RFK: variants seen among roughly 807,000 people sequenced by gnomAD.
RFK encodes 0610038L10Rik.
RFK carries 4 observed loss-of-function variants against 17.6 expected under a neutral mutation model. The observed-to-expected ratio is 0.23, with a 90% confidence interval of 0.11 to 0.52. The LOEUF is 0.52. Among genes scored for constraint, RFK ranks in the 20% least tolerant of loss-of-function variants. The pLI, the probability that RFK is intolerant of heterozygous loss-of-function variation, is 0.96. For missense variants in RFK, 189 were observed against 187.7 expected (o/e 1.01, Z -0.04); for synonymous variants, 59 against 63.8 (o/e 0.92, Z 0.36).
chr9:76,389,324 C>G (rs1198181572), intron 2 of RFK, among the ~76,000 whole-genome samples: 3 of 152,070 alleles, frequency 2.0e-5, no homozygotes. Flanking sequence ...AACTAGCTTC[C>G]GCGGGGCTCA....
rs772071956 is a variant in RFK, at chr9:76,394,081, T to A, written c.82+9A>T. On this transcript the variant is annotated intron_variant, in intron 1 of 3. Transcript: ENST00000376736. ...CCGGCCCGGGGGACTCTGGCCGCCCTGCTCTCACCTGTGGGGATGCCCAGC... is the reference window on the plus strand; with the variant it reads ...CCGGCCCGGGGGACTCTGGCCGCCCAGCTCTCACCTGTGGGGATGCCCAGC... The A allele has an allele frequency of 1.9e-6, 3 of 1,595,572 alleles. No homozygotes were observed. Among genetic ancestry groups the A allele is most frequent in the Non-Finnish European group, 2.6e-6 (3 of 1,173,026 alleles).
At chr9:76,388,326 T>C (rs1373445165) in intron 3 of RFK, 1 of 622,560 alleles carries the variant, frequency 1.6e-6, no homozygotes, top group Non-Finnish European at 3.0e-6. Context: ...CTATGTGACT[T>C]TGAGAATGTT....
Position 76,388,649 on chromosome 9 carries a change from T to C in RFK, c.242A>G (p.His81Arg). The C allele has an allele frequency of 1.9e-6, 3 of 1,598,502 alleles. No individual in the cohort carries two copies. Among genetic ancestry groups the C allele is most frequent in the Non-Finnish European group, 2.6e-6 (3 of 1,165,928 alleles). Reference protein sequence around the residue: ...YKNTKKSMETHIMHTFKEDFY... With the variant: ...YKNTKKSMETRIMHTFKEDFY... Reference sequence around the variant, plus strand: ...GTCCTCTTTGAAGGTATGCATGATATGTGTTTCCTATAGTCAAGAAATGTT... The same window carrying C: ...GTCCTCTTTGAAGGTATGCATGATACGTGTTTCCTATAGTCAAGAAATGTT... The change falls in exon 3 of 4, where the codon CAT (histidine) becomes CGT (arginine). Residue 81 changes from histidine (H) to arginine (R), a missense_variant. Transcript: ENST00000376736.
At chr9:76,388,955 A>G (rs960054940) in intron 2 of RFK, among the ~76,000 whole-genome samples, 1 of 152,214 alleles carries the variant, frequency 6.6e-6, no homozygotes, top group Non-Finnish European at 1.5e-5. Context: ...TAAGTATCTT[A>G]TCAAGGTGAG....
intron 2 of RFK, among the ~76,000 whole-genome samples, 192 bp from the exon 3 acceptor site, chr9:76,388,848 CCTAA>C (rs1290623772): frequency 2.6e-5 from 4 of 152,088 alleles, no homozygotes; most frequent in African/African-American, 9.7e-5. Context: ...ATCTTATAAA[CCTAA>C]CTGAGTGAGG....
At chr9:76,389,709 C>G (rs1276475416) in intron 2 of RFK, among the ~76,000 whole-genome samples, 2 of 152,028 alleles carry the variant, frequency 1.3e-5, no homozygotes, top group Admixed American at 6.6e-5. Flanking sequence ...TGCAGTGAGC[C>G]AAGATCACAC....
At chr9:76,389,786 A>G (rs1393107786) in intron 2 of RFK, among the ~76,000 whole-genome samples, 1 of 152,196 alleles carries the variant, frequency 6.6e-6, no homozygotes, top group Non-Finnish European at 1.5e-5. Context: ...AAATTTAAAA[A>G]TAATTTTAAA....
intron 3 of RFK, chr9:76,388,352 G>A: frequency 1.6e-6 from 1 of 640,504 alleles, no homozygotes; most frequent in Non-Finnish European, 2.8e-6. Flanking sequence ...ATCTCTCTGT[G>A]CCATTTCCTC....
At chr9:76,387,596 T>C (rs1822755914) in intron 3 of RFK, 67 bp from the exon 4 acceptor site, 3 of 1,484,868 alleles carry the variant, frequency 2.0e-6, no homozygotes, top group Admixed American at 2.0e-5. Flanking sequence ...TACTACTCTG[T>C]TTAGCCAATC....
rs1206810349 is a variant in RFK at position 76,394,144 on chromosome 9, C to T, written c.28G>A (p.Gly10Ser). 1 of 1,609,506 alleles carries T rather than the reference C, an allele frequency of 6.2e-7. No homozygotes were observed. The highest frequency in any genetic ancestry group is 1.7e-5 in the Admixed American group (1 of 59,672). Residue 10 changes from glycine to serine, a missense_variant, in exon 1 of 4, where the codon GGT (glycine) becomes AGT (serine). By Grantham distance (56) the Gly-to-Ser change is moderately conservative. Around this residue, in one of 3 missense-constraint regions of RFK, gnomAD observed 90 missense variants for 75.4 expected, o/e 1.19. Transcript: ENST00000376736. ...CGGCCGAAGCCCCGCACCACTTGACCCCGGCAGAAGTAAGGCAGGTGCCTC... is the reference window on the plus strand; with the variant it reads ...CGGCCGAAGCCCCGCACCACTTGACTCCGGCAGAAGTAAGGCAGGTGCCTC... Reference protein sequence around the residue: MRHLPYFCRGQVVRGFGRGS... With the variant: MRHLPYFCRSQVVRGFGRGS...
chr9:76,389,056 G>A (rs1214220171), intron 2 of RFK, among the ~76,000 whole-genome samples: 1 of 152,184 alleles, frequency 6.6e-6, no homozygotes, highest in African/African-American at 2.4e-5. Flanking sequence ...ATTTGCACAC[G>A]TCTGACACAC....
intron 2 of RFK, among the ~76,000 whole-genome samples, chr9:76,389,986 A>G (rs1192833509): frequency 6.6e-6 from 1 of 152,160 alleles, no homozygotes. Context: ...AATCTTGAGA[A>G]CAAAACTAGA....
rs921127473 is a variant in RFK, at chr9:76,385,743, T to C, written c.*1656A>G. 3 of 152,218 alleles carry C rather than the reference T, an allele frequency of 2.0e-5. No individual in the cohort carries two copies. Among genetic ancestry groups the C allele is most frequent in the African/African-American group, 4.8e-5 (2 of 41,458 alleles). 9.4% of individuals were successfully genotyped at this position (152,218 alleles called of 1,614,324 possible). A position where few individuals can be genotyped will look rare whatever the true frequency, so the allele number is the denominator to read the frequency against. On this transcript the variant is annotated 3_prime_UTR_variant, in exon 4 of 4. Transcript: ENST00000376736. ...CAAAGAACTTTCACACACCTAAAGA[T>C]AGCATTTAGCAGCAAGTTAGTCAGA...
rs1226640747 is a variant in RFK at position 76,386,583 on chromosome 9, C to T, written c.*816G>A. On this transcript the variant is annotated 3_prime_UTR_variant, in exon 4 of 4. Transcript: ENST00000376736. ...TACCATTAAAAAGAAGAAACATTAT[C>T]CAACAAAAAGGAGACATATAGATTT... 7.2e-5 allele frequency: 11 copies of T among 152,148 alleles called. No individual in the cohort carries two copies. The East Asian group carries it at 2.1e-3, about 29-fold the overall frequency. The allele number at this position is 152,148 out of a possible 1,614,324, so 9.4% of individuals were successfully genotyped here. A position where few individuals can be genotyped will look rare whatever the true frequency, so the allele number is the denominator to read the frequency against.
intron 2 of RFK, 34 bp downstream of exon 2, chr9:76,392,384 C>T (rs1822829329): frequency 6.2e-7 from 1 of 1,608,006 alleles, no homozygotes. Flanking sequence ...GTCATCATAC[C>T]ATTTTCGGTT....
At position 76,394,256 on chromosome 9, in the gene RFK, C is replaced by G; in HGVS notation, c.-85G>C. On this transcript the variant is annotated 5_prime_UTR_variant, in exon 1 of 4. Transcript: ENST00000376736. ...TCGACGCGGCGCCCAGACCCCGGAC[C>G]AGCCGGGGGACAGGAGCGTGAGCTC... 1 of 1,384,380 alleles carries G rather than the reference C, an allele frequency of 7.2e-7. No individual in the cohort carries two copies. Among genetic ancestry groups the G allele is most frequent in the Admixed American group, 2.1e-5 (1 of 48,110 alleles). The allele number at this position is 1,384,380 out of a possible 1,614,324, so 85.8% of individuals were successfully genotyped here. A position where few individuals can be genotyped will look rare whatever the true frequency, so the allele number is the denominator to read the frequency against.
Position 76,392,398 on chromosome 9 carries a change from G to C in RFK, c.234+20C>G. On this transcript the variant is annotated intron_variant, in intron 2 of 3. Transcript: ENST00000376736. ...AGTCATCATACCATTTTCGGTTACA[G>C]AGCAAAATATAATGCTTACCATAGA... 2.5e-6 allele frequency: 4 copies of C among 1,612,870 alleles called. No individual in the cohort carries two copies. Among genetic ancestry groups the C allele is most frequent in the Non-Finnish European group, 3.4e-6 (4 of 1,179,194 alleles).
At chr9:76,387,948 G>A in intron 3 of RFK, 1 of 246,814 alleles carries the variant, frequency 4.1e-6, no homozygotes, top group Non-Finnish European at 8.1e-6. Context: ...GCGGTGAGAG[G>A]GGGCGTCACT....
At position 76,394,158 on chromosome 9, in the gene RFK, GGCAGGTGCCTCATAAT is replaced by G. The variant is rs1408492396; in HGVS notation, c.-3_13del. 1 of 1,606,822 alleles carries G rather than the reference GGCAGGTGCCTCATAAT, an allele frequency of 6.2e-7. No individual in the cohort carries two copies. Among genetic ancestry groups the G allele is most frequent in the African/African-American group, 1.3e-5 (1 of 74,832 alleles). On this transcript the variant is annotated start_lost and 5_prime_UTR_variant, in exon 1 of 4. Coordinates refer to ENST00000376736, the MANE Select transcript of RFK (RefSeq NM_018339.6). ...CACCACTTGACCCCGGCAGAAGTAA[GGCAGGTGCCTCATAAT>G]GCAGTCCGCTCGGGGAATGGGCTGC...
Sources: allele counts gnomAD v4.1 joint callset (sites outside exome capture counted in the v4.1 genomes callset), GRCh38; gene constraint gnomAD v4.1.1; regional missense constraint gnomAD v4.1.1; transcripts MANE v1.5; gene names NCBI Gene and HGNC (gene_info 2026-07-23, HGNC 2026-07-21).